The following HHIP variants were observed in gnomAD, a reference collection of about 807,000 sequenced individuals.
The protein encoded by HHIP is hedgehog-interacting protein.
A neutral mutation model predicts 74.0 loss-of-function variants in HHIP; 12 were observed. That is an observed-to-expected ratio of 0.16 (90% CI 0.10 to 0.26). The LOEUF (loss-of-function observed/expected upper bound fraction) is 0.26, where lower values mean the gene tolerates loss of function less well. HHIP is among the 10% of genes least tolerant of loss of function. The pLI, the probability that HHIP is intolerant of heterozygous loss-of-function variation, is 1.00. For missense variants in HHIP, 788 were observed against 845.0 expected (o/e 0.93, Z 0.84); for synonymous variants, 309 against 311.6 (o/e 0.99, Z 0.09).
chr4:144,711,402 C>T (rs1209157492), intron 7 of HHIP, among the ~76,000 whole-genome samples: 2 of 151,974 alleles, frequency 1.3e-5, no homozygotes, highest in Non-Finnish European at 2.9e-5. Context: ...TTACATGTGC[C>T]ATGGTAGTTT....
At chr4:144,685,936 C>G (rs975912412) in intron 4 of HHIP, among the ~76,000 whole-genome samples, 2 of 152,132 alleles carry the variant, frequency 1.3e-5, no homozygotes, top group Non-Finnish European at 2.9e-5. Context: ...TCTGTTTGAC[C>G]TTTGTATAAA....
intron 11 of HHIP, among the ~76,000 whole-genome samples, chr4:144,733,084 C>T (rs766450317): frequency 4.6e-5 from 7 of 152,050 alleles, no homozygotes; most frequent in Non-Finnish European, 1.0e-4. Context: ...AAGAAGAAGG[C>T]GAAGATTGTG....
chr4:144,719,165 A>G (rs1730556340), intron 11 of HHIP, among the ~76,000 whole-genome samples: 1 of 152,186 alleles, frequency 6.6e-6, no homozygotes, highest in Non-Finnish European at 1.5e-5. Context: ...AAGCTCATTC[A>G]TGTCGTCCTT....
chr4:144,704,527 A>G (rs754739541), intron 4 of HHIP, among the ~76,000 whole-genome samples: 1 of 152,200 alleles, frequency 6.6e-6, no homozygotes, highest in Non-Finnish European at 1.5e-5. Context: ...CTGTCTTTCT[A>G]CAGTGCCTTA....
chr4:144,669,214 A>G (rs1242146898), intron 4 of HHIP, among the ~76,000 whole-genome samples: 1 of 152,234 alleles, frequency 6.6e-6, no homozygotes, highest in Admixed American at 6.5e-5. Flanking sequence ...ATCATTGGCT[A>G]GAAATTAAAA....
chr4:144,650,688 A>T (rs1728394872), intron 1 of HHIP: 1 of 152,158 alleles, frequency 6.6e-6, no homozygotes. Context: ...CACACAGAGC[A>T]AAAATGTTAC....
At chr4:144,681,150 T>C (rs1729326695) in intron 4 of HHIP, among the ~76,000 whole-genome samples, 1 of 152,200 alleles carries the variant, frequency 6.6e-6, no homozygotes, top group African/African-American at 2.4e-5. Context: ...AGATTCACCA[T>C]CTTTCACTTT....
intron 11 of HHIP, among the ~76,000 whole-genome samples, chr4:144,727,135 C>T (rs1305385320): frequency 2.6e-5 from 4 of 152,150 alleles, no homozygotes; most frequent in Non-Finnish European, 4.4e-5. Context: ...GACTTCTGAT[C>T]GTACTGGAGG....
chr4:144,681,510 C>T, intron 4 of HHIP, among the ~76,000 whole-genome samples: 1 of 151,070 alleles, frequency 6.6e-6, no homozygotes, highest in African/African-American at 2.4e-5. Context: ...ACTGCAGCCT[C>T]CGCATCCTGG....
chr4:144,720,213 T>C (rs923646732), intron 11 of HHIP, among the ~76,000 whole-genome samples: 2 of 152,076 alleles, frequency 1.3e-5, no homozygotes, highest in Non-Finnish European at 2.9e-5. Flanking sequence ...CAAAGATAAA[T>C]GAAAATAAAA....
intron 4 of HHIP, among the ~76,000 whole-genome samples, chr4:144,666,749 G>C (rs1362326409): frequency 6.6e-6 from 1 of 152,208 alleles, no homozygotes; most frequent in Non-Finnish European, 1.5e-5. Flanking sequence ...AGGAGGCTGA[G>C]AGCCCAGCAT....
chr4:144,674,816 C>T (rs1200722010), intron 4 of HHIP, among the ~76,000 whole-genome samples: 1 of 152,136 alleles, frequency 6.6e-6, no homozygotes, highest in Admixed American at 6.5e-5. Flanking sequence ...TTCCAGAAGA[C>T]TTGAGGCCCC....
Position 144,707,433 on chromosome 4 carries a change from G to T in HHIP, c.1157+173G>T, listed in dbSNP as rs1334416253. Among the ~76,000 whole-genome samples, 5 of 152,060 alleles carry T rather than the reference G, an allele frequency of 3.3e-5. 1 individual carries two copies. Among genetic ancestry groups the T allele is most frequent in the Admixed American group, 3.3e-4 (5 of 15,260 alleles). ...GAAATGAAGAGGAATTCACTAATATGCTACGTGATCTTTTGTTTGTCATGA... is the reference window on the plus strand; with the variant it reads ...GAAATGAAGAGGAATTCACTAATATTCTACGTGATCTTTTGTTTGTCATGA... On this transcript the variant is annotated intron_variant, in intron 6 of 12. Transcript: ENST00000296575.
intron 11 of HHIP, among the ~76,000 whole-genome samples, chr4:144,724,777 G>T (rs1730752235): frequency 6.7e-6 from 1 of 149,624 alleles, no homozygotes; most frequent in Admixed American, 6.7e-5. Flanking sequence ...AGCATTCAAA[G>T]GAATTTTCTC....
intron 4 of HHIP, among the ~76,000 whole-genome samples, chr4:144,696,663 T>C (rs1032082421): frequency 6.6e-6 from 1 of 152,014 alleles, no homozygotes. Flanking sequence ...TACTTCTATT[T>C]AAGCATTTGG....
Position 144,737,990 on chromosome 4 carries a change from G to T in HHIP, c.*33G>T. On this transcript the variant is annotated 3_prime_UTR_variant, in exon 13 of 13. Coordinates refer to ENST00000296575, the MANE Select transcript of HHIP (RefSeq NM_022475.3). ...GACTGTTTGAATATTCTATTCCAATGGGCATTTATTTTTTATCCTGTCATT... is the reference window on the plus strand; with the variant it reads ...GACTGTTTGAATATTCTATTCCAATTGGCATTTATTTTTTATCCTGTCATT... 5.5e-6 allele frequency: 8 copies of T among 1,443,634 alleles called. No homozygotes were observed. The Admixed American group carries it at 6.9e-5, about 12-fold the overall frequency. 89.4% of individuals were successfully genotyped at this position (1,443,634 alleles called of 1,614,324 possible).
intron 1 of HHIP, among the ~76,000 whole-genome samples, chr4:144,652,295 G>C (rs1728445843): frequency 6.6e-6 from 1 of 152,024 alleles, no homozygotes; most frequent in Non-Finnish European, 1.5e-5. Flanking sequence ...AGAATGAAGT[G>C]ATAAAGGCTT....
In HHIP at chr4:144,658,851, G is replaced by T; in HGVS notation, c.534G>T (p.Leu178Phe). The change falls in exon 3 of 13, where the codon TTG (leucine) becomes TTT (phenylalanine). Residue 178 changes from leucine (L) to phenylalanine (F), a missense_variant. Leu to Phe is a conservative substitution (Grantham distance 22, BLOSUM62 0). This residue lies in a region of HHIP where 373 missense variants were observed against 366.4 expected (regional missense o/e 1.02). Transcript: ENST00000296575. ...CFYYARKDGG[L>F]CFPDFPRKQV... Reference sequence around the variant, plus strand: ...ACTATGCAAGAAAAGATGGTGGGTTGTGCTTTCCAGATTTTCCAAGAAAAC... The same window carrying T: ...ACTATGCAAGAAAAGATGGTGGGTTTTGCTTTCCAGATTTTCCAAGAAAAC... The T allele has an allele frequency of 6.2e-7, 1 of 1,613,786 alleles. No individual in the cohort carries two copies. The highest frequency in any genetic ancestry group is 8.5e-7 in the Non-Finnish European group (1 of 1,179,756).
intron 4 of HHIP, among the ~76,000 whole-genome samples, chr4:144,691,619 C>A (rs1405660090): frequency 6.6e-6 from 1 of 151,988 alleles, no homozygotes; most frequent in Non-Finnish European, 1.5e-5. Flanking sequence ...ACAGTGCCTC[C>A]ATTTATATAC....
Sources: gnomAD v4.1 joint callset for allele counts (sites outside exome capture counted in the v4.1 genomes callset) on GRCh38, gnomAD v4.1.1 for gene constraint, gnomAD v4.1.1 regional missense constraint, MANE v1.5 for transcripts, NCBI Gene and HGNC (gene_info 2026-07-23, HGNC 2026-07-21) for gene names.